PTGER3: variants seen among roughly 807,000 people sequenced by gnomAD.
PTGER3 encodes prostaglandin E receptor 3.
In PTGER3, 22 loss-of-function variants were observed where a neutral mutation model predicts 34.7. The ratio of observed to expected loss-of-function variants is 0.63; its 90% CI spans 0.45 to 0.91. PTGER3 has a LOEUF of 0.91. Among genes scored for constraint, PTGER3 ranks in the 40% least tolerant of loss-of-function variants. The probability of loss-of-function intolerance (pLI) is 0.00; values close to 1 mark genes in which losing one functional copy is unlikely to be tolerated. For missense variants in PTGER3, 468 were observed against 519.4 expected, an observed-to-expected ratio of 0.90 and a Z score of 0.96; for synonymous variants, 241 against 230.1, an observed-to-expected ratio of 1.05 and a Z score of -0.43.
downstream of PTGER3, among the ~76,000 whole-genome samples, chr1:70,968,968 G>T (rs981543221): frequency 1.3e-5 from 2 of 151,942 alleles, no homozygotes; most frequent in Admixed American, 6.6e-5. Flanking sequence ...GCACTTTGGG[G>T]GGTTGAGGCG....
At chr1:70,952,943 A>G (rs748020005) in exon 4 of PTGER3, 3 of 1,613,108 alleles carry the variant, frequency 1.9e-6, no homozygotes, top group Non-Finnish European at 2.5e-6. Flanking sequence ...TGGTGTACAC[A>G]TTAATGCTGC....
intron 4 of PTGER3, chr1:70,865,965 A>G: frequency 2.3e-6 from 1 of 438,594 alleles, no homozygotes; most frequent in Non-Finnish European, 3.8e-6. Flanking sequence ...TTCTTCTTCA[A>G]AGTTCAACTC....
chr1:70,853,804 C>A (rs763729138), intron 4 of PTGER3, among the ~76,000 whole-genome samples: 1 of 152,080 alleles, frequency 6.6e-6, no homozygotes, highest in African/African-American at 2.4e-5. Context: ...GAATAGAGGT[C>A]CCAGATAAAC....
At chr1:70,945,396 A>G (rs147375427) in intron 4 of PTGER3, among the ~76,000 whole-genome samples, 1 of 152,150 alleles carries the variant, frequency 6.6e-6, no homozygotes. Flanking sequence ...TCAAATTCAC[A>G]CTGTGTCTCT....
intron 4 of PTGER3, among the ~76,000 whole-genome samples, chr1:70,862,678 G>A (rs116717158): frequency 1.3e-5 from 2 of 152,228 alleles, no homozygotes; most frequent in African/African-American, 4.8e-5. Context: ...GAGGAACAAA[G>A]CTTTTTGTTT....
intron 4 of PTGER3, among the ~76,000 whole-genome samples, chr1:70,884,326 G>C (rs769112860): frequency 1.3e-5 from 2 of 152,110 alleles, no homozygotes; most frequent in African/African-American, 2.4e-5. Flanking sequence ...CAGAAGCTGG[G>C]AATATCATGG....
chr1:70,918,446 A>G (rs1647255558), intron 4 of PTGER3, among the ~76,000 whole-genome samples: 1 of 152,050 alleles, frequency 6.6e-6, no homozygotes, highest in African/African-American at 2.4e-5. Context: ...TCAAGGAAAC[A>G]ATCAATAAAG....
At chr1:71,012,210 T>A in intron 2 of PTGER3, 95 bp downstream of exon 2, 3 of 1,607,494 alleles carry the variant, frequency 1.9e-6, no homozygotes, top group Non-Finnish European at 2.5e-6. Flanking sequence ...GTTAAGTGTT[T>A]TCTTTCATGC....
intron 1 of PTGER3, among the ~76,000 whole-genome samples, chr1:71,039,671 GA>G (rs972400532): frequency 1.0e-4 from 13 of 130,232 alleles, no homozygotes; most frequent in African/African-American, 3.6e-4. Context: ...AAAAAAAAAA[GA>G]AAAAAAGAAA....
chr1:70,935,545 T>C (rs1405300029), intron 4 of PTGER3, among the ~76,000 whole-genome samples: 3 of 152,002 alleles, frequency 2.0e-5, no homozygotes, highest in Non-Finnish European at 2.9e-5. Context: ...ACATTCCTTT[T>C]TGCAATATTT....
At chr1:70,957,455 T>A (rs1306679044) in intron 2 of PTGER3, among the ~76,000 whole-genome samples, 2 of 152,240 alleles carry the variant, frequency 1.3e-5, no homozygotes, top group Admixed American at 6.5e-5. Context: ...TCCCACCATG[T>A]GCTTTAAAAA....
chr1:70,870,820 A>G lies in PTGER3; in HGVS notation c.*24-17961T>C, dbSNP rs141082126. ...CAATAATTCCTCATTTCAGTCTGAA[A>G]TCTCCTCAGCCTGGATTTTATTGTC... On this transcript the variant is annotated intron_variant, in intron 4 of 4. Coordinates refer to the PTGER3 transcript ENST00000370931. Among the ~76,000 whole-genome samples the G allele has an allele frequency of 3.2e-4, 48 of 152,200 alleles. 1 individual carries two copies. The highest frequency in any genetic ancestry group is 1.1e-3 in the African/African-American group (46 of 41,522).
rs576538507 is a variant in PTGER3 at position 70,889,145 on chromosome 1, C to G, written c.*24-36286G>C. 1.2e-4 allele frequency among the ~76,000 whole-genome samples: 19 copies of G among 152,230 alleles called. 1 individual carries two copies. The South Asian group carries it at 2.9e-3, about 23-fold the overall frequency. The stretch of plus-strand genomic sequence containing the variant: ...TCTAAATCAGCACCAGTACCTCAAT[C>G]GGATTTCCACTTAAGATTGTGCTCT... On this transcript the variant is annotated intron_variant, in intron 4 of 4. Transcript: ENST00000370931.
At chr1:70,852,785 C>CA in exon 5 of PTGER3, 1 of 1,596,996 alleles carries the variant, frequency 6.3e-7, no homozygotes. Context: ...TTTTCTTTTA[C>CA]AAAAAGAGAG....
At chr1:70,931,808 T>A (rs1352045701) in intron 4 of PTGER3, among the ~76,000 whole-genome samples, 1 of 152,182 alleles carries the variant, frequency 6.6e-6, no homozygotes, top group Admixed American at 6.5e-5. Flanking sequence ...TGGGAGGGGC[T>A]GCCACAAAGA....
intron 4 of PTGER3, among the ~76,000 whole-genome samples, chr1:70,931,690 T>C (rs1176134397): frequency 1.3e-5 from 2 of 152,200 alleles, no homozygotes; most frequent in African/African-American, 4.8e-5. Context: ...TAGCAATGGC[T>C]GGAACAGCTT....
chr1:71,022,584 C>T (rs1175232103), intron 1 of PTGER3, among the ~76,000 whole-genome samples: 1 of 151,760 alleles, frequency 6.6e-6, no homozygotes, highest in East Asian at 1.9e-4. Context: ...CAGGAGAATC[C>T]AAAATAGATG....
intron 4 of PTGER3, among the ~76,000 whole-genome samples, chr1:70,929,083 C>G (rs533125677): frequency 1.3e-5 from 2 of 152,188 alleles, no homozygotes; most frequent in East Asian, 1.9e-4. Flanking sequence ...GTAAATTGAC[C>G]TTGTGTGTAT....
chr1:70,985,743 T>C (rs1654856926), intron 2 of PTGER3, among the ~76,000 whole-genome samples: 1 of 152,192 alleles, frequency 6.6e-6, no homozygotes, highest in South Asian at 2.1e-4. Context: ...TTCCTTAAAA[T>C]AGTTACTTTT....
Sources: allele counts gnomAD v4.1 joint callset (sites outside exome capture counted in the v4.1 genomes callset), GRCh38; gene constraint gnomAD v4.1.1; transcripts MANE v1.5; gene names NCBI Gene and HGNC (gene_info 2026-07-23, HGNC 2026-07-21).